NAA25: variants seen among roughly 807,000 people sequenced by gnomAD.
NAA25 encodes N-terminal acetyltransferase B complex subunit NAA25.
In NAA25, 30 loss-of-function variants were observed where a neutral mutation model predicts 132.5. The observed-to-expected ratio is 0.23, with a 90% CI of 0.17 to 0.31. The LOEUF (loss-of-function observed/expected upper bound fraction) is 0.31. NAA25 is among the 10% of genes least tolerant of loss of function. The pLI is 1.00. For synonymous variants in NAA25, 359 were observed against 401.9 expected, an observed-to-expected ratio of 0.89 and a Z score of 1.28; for missense variants, 771 against 1,150.4, an observed-to-expected ratio of 0.67 and a Z score of 4.77.
rs764859938 is a variant in NAA25, at chr12:112,078,757, T to C, written c.478-16A>G. ...CCGATATAGACTGAAAGAAGAAAAATAATGTTTCATTCTAATTCTCCCCTG... is the reference window on the plus strand; with the variant it reads ...CCGATATAGACTGAAAGAAGAAAAACAATGTTTCATTCTAATTCTCCCCTG... On this transcript the variant is annotated splice_polypyrimidine_tract_variant and intron_variant, in intron 5 of 23. Transcript: ENST00000261745. The C allele has an allele frequency of 8.8e-6, 14 of 1,591,210 alleles. No homozygotes were observed. The highest frequency in any genetic ancestry group is 9.5e-6 in the Non-Finnish European group (11 of 1,160,678).
chr12:112,090,627 C>T (rs541351474), intron 3 of NAA25, 99 bp downstream of exon 3: 29 of 1,209,608 alleles, frequency 2.4e-5, no homozygotes, highest in Non-Finnish European at 2.8e-5. Context: ...CTACTGTATC[C>T]ATTCAAATCA....
chr12:112,073,359 G>C (rs2078843787), intron 9 of NAA25, among the ~76,000 whole-genome samples: 1 of 152,110 alleles, frequency 6.6e-6, no homozygotes, highest in Non-Finnish European at 1.5e-5. Context: ...AGGTAACCTA[G>C]TTAATATTAC....
chr12:112,078,235 A>G lies in NAA25; in HGVS notation c.617T>C (p.Leu206Ser), dbSNP rs1247296910. 6.2e-7 allele frequency: 1 copy of G among 1,610,770 alleles called. No homozygotes were observed. Residue 206 changes from leucine (L) to serine (S), a missense_variant, in exon 7 of 24, where the codon TTG (leucine) becomes TCG (serine). By Grantham distance (145) the Leu-to-Ser change is moderately radical. Coordinates refer to ENST00000261745, the MANE Select transcript of NAA25 (RefSeq NM_024953.4). ...ATCCAAGGCCTCCTGGTACTTTCCC[A>G]AACGTTCCAGGATCATATAATAAAG... ...VELYYMILER[L>S]GKYQEALDVI...
intron 4 of NAA25, among the ~76,000 whole-genome samples, chr12:112,082,265 A>G (rs1421625335): frequency 6.6e-6 from 1 of 151,502 alleles, no homozygotes; most frequent in Non-Finnish European, 1.5e-5. Flanking sequence ...TAAATAAATA[A>G]AAATAAAAAA....
At chr12:112,046,618 G>A (rs537786050) in intron 17 of NAA25, among the ~76,000 whole-genome samples, 23 of 152,272 alleles carry the variant, frequency 1.5e-4, no homozygotes, top group Admixed American at 3.3e-4. Context: ...AATGGTATGT[G>A]GCATTTTAAA....
rs760268147 is a variant in NAA25 at position 112,078,242 on chromosome 12, C to T, written c.610G>A (p.Glu204Lys). 1.2e-6 allele frequency: 2 copies of T among 1,609,012 alleles called. No homozygotes were observed. The highest frequency in any genetic ancestry group is 3.4e-5 in the Admixed American group (2 of 59,290). Residue 204 changes from glutamate (E) to lysine (K), a missense_variant, in exon 7 of 24, where the codon GAA (glutamate) becomes AAA (lysine). Glu to Lys is a moderately conservative substitution (Grantham distance 56, BLOSUM62 1). Transcript: ENST00000261745. ...AEVELYYMIL[E>K]RLGKYQEALD... ...GCCTCCTGGTACTTTCCCAAACGTT[C>T]CAGGATCATATAATAAAGTTCAACC...
intron 17 of NAA25, 62 bp from the exon 18 acceptor site, chr12:112,043,930 T>C: frequency 9.8e-7 from 1 of 1,018,196 alleles, no homozygotes; most frequent in Non-Finnish European, 1.3e-6. Context: ...TGCTTTCAAT[T>C]TTTTTTTTTT....
In NAA25 at chr12:112,061,374, T is replaced by C; in HGVS notation, c.1164A>G (p.Leu388=). The C allele has an allele frequency of 6.2e-7, 1 of 1,613,644 alleles. No homozygotes were observed. Among genetic ancestry groups the C allele is most frequent in the Non-Finnish European group, 8.5e-7 (1 of 1,179,778 alleles). ...GTGTCGACAAAGGAACAACTCCAAG[T>C]AACTGATTAATAAACTGCAAAGTGG... ...ATQCTKFINQ[L]LGVVPLSTPT... is the part of the protein sequence containing the mutation. The change falls in exon 12 of 24, where the codon TTA becomes TTG. Residue 388 remains leucine, a synonymous_variant. Transcript: ENST00000261745.
chr12:112,108,713 C>T lies in NAA25; in HGVS notation c.58+3G>A. Reference sequence around the variant, plus strand: ...GGCGAGCGGGCTGGTCCAAGACACTCACCGTAAATGGGCCGGAGGCGCCTG... The same window carrying T: ...GGCGAGCGGGCTGGTCCAAGACACTTACCGTAAATGGGCCGGAGGCGCCTG... On this transcript the variant is annotated splice_donor_region_variant and intron_variant, in intron 1 of 23. Transcript: ENST00000261745. 6.6e-7 allele frequency: 1 copy of T among 1,524,038 alleles called. No individual in the cohort carries two copies. The highest frequency in any genetic ancestry group is 1.4e-5 in the African/African-American group (1 of 71,064). The allele number at this position is 1,524,038 out of a possible 1,614,324, so 94.4% of individuals were successfully genotyped here.
intron 17 of NAA25, among the ~76,000 whole-genome samples, chr12:112,044,937 C>T (rs549821658): frequency 6.6e-6 from 1 of 151,506 alleles, no homozygotes. Flanking sequence ...CCTGTAGTCC[C>T]AGCTACTAGG....
intron 4 of NAA25, among the ~76,000 whole-genome samples, chr12:112,083,433 A>C (rs2078999350): frequency 6.6e-6 from 1 of 152,086 alleles, no homozygotes; most frequent in African/African-American, 2.4e-5. Flanking sequence ...TGAACCCAGG[A>C]GGTGGAGGTT....
chr12:112,090,104 T>C (rs2079109908), intron 3 of NAA25, among the ~76,000 whole-genome samples: 1 of 151,996 alleles, frequency 6.6e-6, no homozygotes, highest in Non-Finnish European at 1.5e-5. Flanking sequence ...GTGCTGGGAT[T>C]ACAAGTTTTA....
At position 112,029,499 on chromosome 12, in the gene NAA25, CAG is replaced by C. The variant is rs749299191; in HGVS notation, c.*30_*31del. 1.9e-6 allele frequency: 3 copies of C among 1,613,482 alleles called. No individual in the cohort carries two copies. In the Admixed American group the frequency reaches 5.0e-5, roughly 27 times the overall value. ...GGGAAGATGGTGTCATATTCTGTTGCAGAGTCATCAGTGCCCATGATAGATAC... is the reference window on the plus strand; with the variant it reads ...GGGAAGATGGTGTCATATTCTGTTGCAGTCATCAGTGCCCATGATAGATAC... On this transcript the variant is annotated 3_prime_UTR_variant, in exon 24 of 24. Coordinates refer to ENST00000261745, the MANE Select transcript of NAA25 (RefSeq NM_024953.4).
chr12:112,057,957 G>A (rs2078572233), intron 13 of NAA25, among the ~76,000 whole-genome samples: 1 of 152,182 alleles, frequency 6.6e-6, no homozygotes, highest in South Asian at 2.1e-4. Flanking sequence ...CTCCAGTCTG[G>A]CGACAGAGCG....
Position 112,094,553 on chromosome 12 carries a change from C to T in NAA25, c.59-1417G>A, listed in dbSNP as rs530902607. ...TACTGACTTTGCCACAGAGTTAAGT[C>T]TAATTTGCTGAAGAAAAAAATAAGA... On this transcript the variant is annotated intron_variant, in intron 1 of 23. Coordinates refer to ENST00000261745, the MANE Select transcript of NAA25 (RefSeq NM_024953.4). Among the ~76,000 whole-genome samples, 4 of 152,174 alleles carry T rather than the reference C, an allele frequency of 2.6e-5. No homozygotes were observed. The South Asian group carries it at 8.3e-4, about 32-fold the overall frequency.
intron 1 of NAA25, among the ~76,000 whole-genome samples, chr12:112,098,840 C>T (rs1022271709): frequency 6.6e-6 from 1 of 152,142 alleles, no homozygotes; most frequent in African/African-American, 2.4e-5. Context: ...TCACTGCAAC[C>T]TCCGCCTCCA....
Position 112,043,608 on chromosome 12 carries a change from A to G in NAA25, c.2250+17T>C, listed in dbSNP as rs560613012. ...ATAATTATTGCAACTTTGATGGTAAATATGTATTGATGGTACCTGAATATC... is the reference window on the plus strand; with the variant it reads ...ATAATTATTGCAACTTTGATGGTAAGTATGTATTGATGGTACCTGAATATC... On this transcript the variant is annotated intron_variant, in intron 18 of 23. Transcript: ENST00000261745. 6.2e-7 allele frequency: 1 copy of G among 1,611,406 alleles called. No individual in the cohort carries two copies. Among genetic ancestry groups the G allele is most frequent in the Non-Finnish European group, 8.5e-7 (1 of 1,178,020 alleles).
chr12:112,094,422 A>G (rs754038795), intron 1 of NAA25, among the ~76,000 whole-genome samples: 3 of 152,120 alleles, frequency 2.0e-5, no homozygotes, highest in Non-Finnish European at 4.4e-5. Flanking sequence ...AAAATCTTAA[A>G]ATCTTTTAAA....
At position 112,078,174 on chromosome 12, in the gene NAA25, T is replaced by C. The variant is rs950323085; in HGVS notation, c.664+14A>G. 7 of 1,544,234 alleles carry C rather than the reference T, an allele frequency of 4.5e-6. No individual in the cohort carries two copies. In the African/African-American group the frequency reaches 9.9e-5, roughly 22 times the overall value. On this transcript the variant is annotated intron_variant, in intron 7 of 23. Transcript: ENST00000261745. Reference sequence around the variant, plus strand: ...GGAAAAAAAAAAAGCTTTAAGAAAATGTTTAAAAATTACCTCCTAATTTCC... The same window carrying C: ...GGAAAAAAAAAAAGCTTTAAGAAAACGTTTAAAAATTACCTCCTAATTTCC...
Sources: gnomAD v4.1 joint callset for allele counts (sites outside exome capture counted in the v4.1 genomes callset) on GRCh38, gnomAD v4.1.1 for gene constraint, MANE v1.5 for transcripts, NCBI Gene and HGNC (gene_info 2026-07-23, HGNC 2026-07-21) for gene names.